The following FARS2 variants were observed in gnomAD, a reference collection of about 807,000 sequenced individuals.
FARS2 encodes phenylalanyl-tRNA synthetase 2, mitochondrial.
Under a neutral mutation model 46.4 loss-of-function variants are expected in FARS2, and 40 were observed. The observed-to-expected ratio is 0.86, with a 90% CI of 0.67 to 1.12. The LOEUF is 1.12. Among genes scored for constraint, FARS2 ranks in the 50% most tolerant of loss-of-function variants. The pLI is 0.00. For synonymous variants in FARS2, 234 were observed against 214.9 expected, an observed-to-expected ratio of 1.09 and a Z score of -0.78; for missense variants, 513 against 567.9, an observed-to-expected ratio of 0.90 and a Z score of 0.98.
intron 6 of FARS2, among the ~76,000 whole-genome samples, chr6:5,671,030 C>G (rs1248732569): frequency 6.6e-6 from 1 of 152,150 alleles, no homozygotes; most frequent in Non-Finnish European, 1.5e-5. Flanking sequence ...TCAGTGAACT[C>G]ATTACAGTAA....
At chr6:5,708,179 G>A (rs2150896451) in intron 6 of FARS2, among the ~76,000 whole-genome samples, 1 of 152,274 alleles carries the variant, frequency 6.6e-6, no homozygotes, top group African/African-American at 2.4e-5. Flanking sequence ...TGCCCTGGAG[G>A]TAATGATCAG....
At chr6:5,344,629 T>C (rs547916222) in intron 1 of FARS2, among the ~76,000 whole-genome samples, 5 of 152,262 alleles carry the variant, frequency 3.3e-5, no homozygotes, top group African/African-American at 1.2e-4. Context: ...GGCAGTGAAG[T>C]GAGAGTGAGC....
chr6:5,624,037 G>A (rs1198564766), intron 6 of FARS2, among the ~76,000 whole-genome samples: 1 of 152,204 alleles, frequency 6.6e-6, no homozygotes, highest in African/African-American at 2.4e-5. Flanking sequence ...CAAGGGGATG[G>A]CCAGACACTG....
intron 1 of FARS2, among the ~76,000 whole-genome samples, chr6:5,270,124 C>T (rs1180349660): frequency 6.6e-6 from 1 of 151,968 alleles, no homozygotes; most frequent in African/African-American, 2.4e-5. Context: ...TAAATCAATT[C>T]CTGGAATTCT....
At chr6:5,680,248 C>T (rs897390235) in intron 6 of FARS2, among the ~76,000 whole-genome samples, 9 of 152,088 alleles carry the variant, frequency 5.9e-5, no homozygotes, top group African/African-American at 2.2e-4. Flanking sequence ...TGAAGGTGCC[C>T]AACCAACACT....
intron 1 of FARS2, among the ~76,000 whole-genome samples, chr6:5,294,905 T>G (rs1411064116): frequency 1.3e-5 from 2 of 152,020 alleles, no homozygotes; most frequent in Non-Finnish European, 2.9e-5. Flanking sequence ...TGGGACTCTC[T>G]CATGGAAGGG....
chr6:5,609,564 C>A, intron 5 of FARS2: 1 of 1,287,354 alleles, frequency 7.8e-7, no homozygotes, highest in Non-Finnish European at 1.1e-6. Flanking sequence ...CCCACTGAAA[C>A]CACCTCCACG....
intron 2 of FARS2, among the ~76,000 whole-genome samples, chr6:5,395,346 T>G (rs1362690199): frequency 6.6e-6 from 1 of 152,174 alleles, no homozygotes; most frequent in East Asian, 1.9e-4. Flanking sequence ...CCACTGTGCC[T>G]GGCCACTGAT....
intron 3 of FARS2, among the ~76,000 whole-genome samples, chr6:5,410,309 A>G (rs935442162): frequency 6.6e-6 from 1 of 151,258 alleles, no homozygotes; most frequent in Non-Finnish European, 1.5e-5. Context: ...GTGCGCCACC[A>G]CACCTGGCTA....
chr6:5,327,462 G>A (rs1444085886), intron 1 of FARS2, among the ~76,000 whole-genome samples: 1 of 152,070 alleles, frequency 6.6e-6, no homozygotes, highest in Non-Finnish European at 1.5e-5. Flanking sequence ...AATAATGAGG[G>A]CAGGTTTTTC....
intron 1 of FARS2, among the ~76,000 whole-genome samples, chr6:5,287,706 T>C (rs1181351656): frequency 2.6e-5 from 4 of 152,212 alleles, no homozygotes; most frequent in Non-Finnish European, 5.9e-5. Flanking sequence ...GTATCAGAAA[T>C]AGCTCTGTTT....
chr6:5,671,267 T>C (rs1387001142), intron 6 of FARS2, among the ~76,000 whole-genome samples: 1 of 152,234 alleles, frequency 6.6e-6, no homozygotes, highest in Admixed American at 6.5e-5. Context: ...TGAGGCTTCA[T>C]GGCCGAGCTT....
chr6:5,436,098 A>G (rs898096068), intron 4 of FARS2, among the ~76,000 whole-genome samples: 3 of 152,232 alleles, frequency 2.0e-5, no homozygotes, highest in African/African-American at 7.2e-5. Context: ...TGTGGTAAGT[A>G]TTCATAACAG....
chr6:5,709,129 G>C (rs1257529387), intron 6 of FARS2, among the ~76,000 whole-genome samples: 2 of 152,176 alleles, frequency 1.3e-5, no homozygotes, highest in African/African-American at 4.8e-5. Flanking sequence ...TTTTAATGAG[G>C]AGAAACATTT....
At chr6:5,745,221 T>G (rs576845279) in intron 6 of FARS2, among the ~76,000 whole-genome samples, 1 of 152,374 alleles carries the variant, frequency 6.6e-6, no homozygotes, top group South Asian at 2.1e-4. Context: ...CTAAAGTGAT[T>G]TCTTGGAAAT....
At chr6:5,251,595 G>A in the FARS2 span, among the ~76,000 whole-genome samples, 1 of 152,194 alleles carries the variant, frequency 6.6e-6, no homozygotes, top group South Asian at 2.1e-4. Context: ...TCATTATTGT[G>A]AGGACAGTAC....
intron 5 of FARS2, among the ~76,000 whole-genome samples, chr6:5,580,308 A>AGAAG (rs1043785129): frequency 3.3e-4 from 49 of 147,390 alleles, no homozygotes; most frequent in African/African-American, 1.2e-3. Context: ...AAAAAAAAAG[A>AGAAG]GAAGGAGGGA....
intron 4 of FARS2, among the ~76,000 whole-genome samples, chr6:5,509,720 C>T (rs1004747469): frequency 1.5e-4 from 23 of 152,164 alleles, no homozygotes; most frequent in African/African-American, 5.6e-4. Flanking sequence ...AGCGTGGGGA[C>T]TGTGGTCTCT....
chr6:5,767,500 T>C (rs574580295), intron 6 of FARS2, among the ~76,000 whole-genome samples: 6 of 152,364 alleles, frequency 3.9e-5, no homozygotes, highest in East Asian at 1.9e-4. Flanking sequence ...CTGGATTATA[T>C]GGTAATTCTG....
Sources: allele counts gnomAD v4.1 joint callset (sites outside exome capture counted in the v4.1 genomes callset), GRCh38; gene constraint gnomAD v4.1.1; transcripts MANE v1.5; gene names NCBI Gene and HGNC (gene_info 2026-07-23, HGNC 2026-07-21).